Variants in CPED1 observed in about 807,000 individuals in gnomAD.
CPED1 encodes the protein cadherin like and PC-esterase domain containing 1, also known as cadherin-like and PC-esterase domain-containing protein 1.
Under a neutral mutation model 128.2 loss-of-function variants are expected in CPED1, and 114 were observed. That is an observed-to-expected ratio of 0.89 (90% confidence interval 0.76 to 1.04). CPED1 has a LOEUF of 1.04. Among genes scored for constraint, CPED1 ranks in the 50% least tolerant of loss-of-function variants. The probability of loss-of-function intolerance (pLI) is 0.00; values close to 1 mark genes in which losing one functional copy is unlikely to be tolerated. For missense variants in CPED1, 1,211 were observed against 1,207.1 expected (o/e 1.00, Z -0.05); for synonymous variants, 462 against 426.7 (o/e 1.08, Z -1.02).
chr7:121,189,582 G>A (rs1204115128), intron 16 of CPED1, among the ~76,000 whole-genome samples: 1 of 151,536 alleles, frequency 6.6e-6, no homozygotes, highest in African/African-American at 2.4e-5. Flanking sequence ...GATTTGGGTG[G>A]GGGGACAGAG....
intron 16 of CPED1, among the ~76,000 whole-genome samples, chr7:121,227,628 G>A (rs1000964755): frequency 9.2e-5 from 14 of 151,918 alleles, no homozygotes; most frequent in Non-Finnish European, 7.4e-5. Flanking sequence ...AAGATGAAGC[G>A]GCAGAGGTCT....
Position 121,108,514 on chromosome 7 carries a change from AT to A in CPED1, c.918+8427del, listed in dbSNP as rs1342347535. On this transcript the variant is annotated intron_variant, in intron 7 of 22. Coordinates refer to ENST00000310396, the MANE Select transcript of CPED1 (RefSeq NM_024913.5). ...CATATCATAAAATATAATAATCTTA[AT>A]TTTTTTCTATGGAAAAGTTAAGCCT... Among the ~76,000 whole-genome samples, 6 of 152,138 alleles carry A rather than the reference AT, an allele frequency of 3.9e-5. No homozygotes were observed. In the South Asian group the frequency reaches 8.3e-4, roughly 21 times the overall value.
chr7:121,198,941 C>A (rs544042887), intron 16 of CPED1, among the ~76,000 whole-genome samples: 3 of 152,200 alleles, frequency 2.0e-5, no homozygotes, highest in African/African-American at 7.2e-5. Context: ...TTTTCCCCTG[C>A]CCACCAACGA....
chr7:121,014,571 T>TAA (rs1792253350), intron 2 of CPED1, among the ~76,000 whole-genome samples: 1 of 117,856 alleles, frequency 8.5e-6, no homozygotes, highest in East Asian at 2.6e-4. Flanking sequence ...ATAATAATAA[T>TAA]AATAATAAAA....
intron 12 of CPED1, among the ~76,000 whole-genome samples, chr7:121,131,975 T>TA (rs397712499): frequency 2.6e-5 from 4 of 151,176 alleles, no homozygotes; most frequent in Non-Finnish European, 5.9e-5. Flanking sequence ...TTTTTTTTTT[T>TA]AATGGGAAAA....
intron 14 of CPED1, among the ~76,000 whole-genome samples, chr7:121,137,012 AATATAT>A (rs1253082346): frequency 6.6e-6 from 1 of 151,794 alleles, no homozygotes; most frequent in Non-Finnish European, 1.5e-5. Context: ...TATACCTTAA[AATATAT>A]ATATACGTGT....
chr7:121,099,904 CTA>C lies in CPED1; in HGVS notation c.750-20_750-19del, dbSNP rs1472790767. ...TCAACCCTACATTATGGAGCGCTAA[CTA>C]TGTTTTTTTTTTTTTTTAGGAATGA... On this transcript the variant is annotated intron_variant, in intron 6 of 22. Coordinates refer to ENST00000310396, the MANE Select transcript of CPED1 (RefSeq NM_024913.5). 2 of 1,474,150 alleles carry C rather than the reference CTA, an allele frequency of 1.4e-6. No homozygotes were observed. Among genetic ancestry groups the C allele is most frequent in the African/African-American group, 4.3e-5 (2 of 46,216 alleles). 91.3% of individuals were successfully genotyped at this position (1,474,150 alleles called of 1,614,324 possible). A position where few individuals can be genotyped will look rare whatever the true frequency, so the allele number is the denominator to read the frequency against.
At position 121,249,724 on chromosome 7, in the gene CPED1, A is replaced by G. The variant is rs186369138; in HGVS notation, c.2310+5386A>G. Among the ~76,000 whole-genome samples the G allele has an allele frequency of 1.6e-3, 239 of 152,338 alleles. 1 individual carries two copies. Among genetic ancestry groups the G allele is most frequent in the Non-Finnish European group, 6.8e-4 (46 of 68,034 alleles). On this transcript the variant is annotated intron_variant, in intron 18 of 22. Transcript: ENST00000310396. ...AAGATCAGCACCTGCTACCACAAGAAGGCCATTACATAATGGTAAAGGGAT... is the reference window on the plus strand; with the variant it reads ...AAGATCAGCACCTGCTACCACAAGAGGGCCATTACATAATGGTAAAGGGAT...
chr7:121,192,345 T>C (rs945477255), intron 16 of CPED1, among the ~76,000 whole-genome samples: 2 of 152,160 alleles, frequency 1.3e-5, no homozygotes, highest in African/African-American at 4.8e-5. Context: ...GATTTCAGAT[T>C]CTTGGATTAG....
chr7:121,150,553 T>A (rs1347533947), intron 16 of CPED1, among the ~76,000 whole-genome samples: 1 of 152,090 alleles, frequency 6.6e-6, no homozygotes, highest in Non-Finnish European at 1.5e-5. Context: ...AATTTTTGTT[T>A]TGGATATATA....
At chr7:121,125,685 C>T in intron 8 of CPED1, 135 bp from the exon 9 acceptor site, 1 of 655,712 alleles carries the variant, frequency 1.5e-6, no homozygotes, top group Non-Finnish European at 2.7e-6. Context: ...TGTGTATGTG[C>T]CACATTTTCT....
At chr7:121,172,292 G>A (rs1796663806) in intron 16 of CPED1, among the ~76,000 whole-genome samples, 1 of 151,944 alleles carries the variant, frequency 6.6e-6, no homozygotes, top group Non-Finnish European at 1.5e-5. Context: ...TAAAACTAGT[G>A]CTTAGTTTAC....
intron 2 of CPED1, among the ~76,000 whole-genome samples, chr7:120,991,269 G>A (rs933624414): frequency 2.6e-5 from 4 of 152,186 alleles, no homozygotes; most frequent in Non-Finnish European, 1.5e-5. Context: ...GATAATATAA[G>A]TTGAAACACT....
At chr7:121,074,407 C>G (rs1464144482) in intron 5 of CPED1, among the ~76,000 whole-genome samples, 1 of 151,848 alleles carries the variant, frequency 6.6e-6, no homozygotes, top group Admixed American at 6.6e-5. Context: ...AGACCTGATC[C>G]TAAACCCAAC....
intron 8 of CPED1, 25 bp from the exon 9 acceptor site, chr7:121,125,795 A>G: frequency 1.9e-6 from 3 of 1,558,602 alleles, no homozygotes; most frequent in Non-Finnish European, 2.7e-6. Flanking sequence ...CTTTACTTTT[A>G]TGGTACCTTG....
At position 120,988,796 on chromosome 7, in the gene CPED1, T is replaced by C. The variant is rs2116716487; in HGVS notation, c.-348T>C. The C allele has an allele frequency of 6.6e-6, 1 of 152,332 alleles. No individual in the cohort carries two copies. The highest frequency in any genetic ancestry group is 1.9e-4 in the East Asian group (1 of 5,180). The allele number at this position is 152,332 out of a possible 1,614,324, so 9.4% of individuals were successfully genotyped here. A position where few individuals can be genotyped will look rare whatever the true frequency, so the allele number is the denominator to read the frequency against. ...GTGTGTGTGTGTCTCTCTCTGTGTG[T>C]GTGTGAGATGAATTGGAGTCATACG... On this transcript the variant is annotated 5_prime_UTR_variant, in exon 1 of 23. Transcript: ENST00000310396.
At chr7:121,281,932 A>G (rs1397866306) in intron 22 of CPED1, among the ~76,000 whole-genome samples, 5 of 152,210 alleles carry the variant, frequency 3.3e-5, no homozygotes, top group Non-Finnish European at 5.9e-5. Flanking sequence ...ACGTACTTCA[A>G]TGTAGCAAAT....
At chr7:121,051,365 A>T in intron 4 of CPED1, 1 of 365,596 alleles carries the variant, frequency 2.7e-6, no homozygotes, top group Non-Finnish European at 4.9e-6. Flanking sequence ...TTTAAATGTA[A>T]ATGCCTTTTT....
At chr7:121,031,904 A>G (rs1792744035) in intron 3 of CPED1, among the ~76,000 whole-genome samples, 1 of 152,222 alleles carries the variant, frequency 6.6e-6, no homozygotes, top group African/African-American at 2.4e-5. Flanking sequence ...GCTGAACCTC[A>G]TAAAAACTTA....
Sources: gnomAD v4.1 joint callset for allele counts (sites outside exome capture counted in the v4.1 genomes callset) on GRCh38, gnomAD v4.1.1 for gene constraint, MANE v1.5 for transcripts, NCBI Gene and HGNC (gene_info 2026-07-23, HGNC 2026-07-21) for gene names.